The following CST8 variants were observed in gnomAD, a reference collection of about 807,000 sequenced individuals.
CST8 encodes cystatin-8.
In CST8, 20 loss-of-function variants were observed where a neutral mutation model predicts 11.8. That is an observed-to-expected ratio of 1.70 (90% confidence interval 1.20 to 2.47). CST8 has a LOEUF of 2.47. Ranked by LOEUF, CST8 falls within the 30% of genes most tolerant of loss-of-function variation. The pLI is 0.00. For synonymous variants in CST8, 77 were observed against 63.1 expected (o/e 1.22, Z -1.05); for missense variants, 196 against 167.2 (o/e 1.17, Z -0.95).
At chr20:23,505,648 C>T in the CST8 span, among the ~76,000 whole-genome samples, 1 of 152,184 alleles carries the variant, frequency 6.6e-6, no homozygotes, top group Non-Finnish European at 1.5e-5. Context: ...CCGATTCTGG[C>T]TCATTCCCTG....
chr20:23,496,060 G>C, downstream of CST8: 2 of 635,394 alleles, frequency 3.1e-6, no homozygotes, highest in Non-Finnish European at 5.4e-6. Context: ...TATATGTGGG[G>C]ACAGAAGATG....
downstream of CST8, among the ~76,000 whole-genome samples, chr20:23,497,614 T>G (rs371776361): frequency 6.6e-6 from 1 of 152,216 alleles, no homozygotes; most frequent in Non-Finnish European, 1.5e-5. Flanking sequence ...GAGGTTTAAT[T>G]GACTCACAGT....
downstream of CST8, among the ~76,000 whole-genome samples, chr20:23,498,173 G>A (rs556812680): frequency 6.6e-6 from 1 of 152,260 alleles, no homozygotes; most frequent in Admixed American, 6.5e-5. Context: ...TATTTAATGG[G>A]TGGAGTTTCT....
At position 23,493,001 on chromosome 20, in the gene CST8, G is replaced by A. The variant is rs149763863; in HGVS notation, c.275G>A (p.Arg92His). Residue 92 changes from arginine to histidine, a missense_variant, in exon 3 of 4, where the codon CGC (arginine) becomes CAC (histidine). Coordinates refer to ENST00000246012, the MANE Select transcript of CST8 (RefSeq NM_005492.4). ...LEYLIDVEIA[R>H]SDCRKPLSTN... ...TACCTTATTGATGTAGAAATTGCCC[G>A]CAGCGATTGCAGAAAGCCTTTAAGC... The A allele has an allele frequency of 5.0e-6, 8 of 1,612,858 alleles. No individual in the cohort carries two copies. Among genetic ancestry groups the A allele is most frequent in the Middle Eastern group, 1.7e-4 (1 of 6,058 alleles).
downstream of CST8, among the ~76,000 whole-genome samples, chr20:23,498,970 G>A (rs59710211): frequency 0.025 from 3,850 of 152,242 alleles, 164 homozygotes; most frequent in African/African-American, 0.087. Context: ...ATAGCTCTAT[G>A]TGTCTTTTCT....
rs200024521 is a variant in CST8 at position 23,492,939 on chromosome 20, C to T, written c.232-19C>T. The T allele has an allele frequency of 5.2e-6, 7 of 1,344,744 alleles. No homozygotes were observed. The African/African-American group carries it at 5.8e-5, about 11-fold the overall frequency. 83.3% of individuals were successfully genotyped at this position (1,344,744 alleles called of 1,614,324 possible). On this transcript the variant is annotated intron_variant, in intron 2 of 3. Coordinates refer to ENST00000246012, the MANE Select transcript of CST8 (RefSeq NM_005492.4). ...AGTACAACTCTTTTGAATAAAATTG[C>T]ATAATTGCTAACCAACAGGTCACAA... is the stretch of plus-strand genomic sequence containing the variant.
At chr20:23,503,690 G>A in the CST8 span, among the ~76,000 whole-genome samples, 1 of 152,218 alleles carries the variant, frequency 6.6e-6, no homozygotes, top group African/African-American at 2.4e-5. Flanking sequence ...CTAGGTACGT[G>A]CAAATGAAGA....
chr20:23,492,684 A>G (rs1028045552), intron 2 of CST8, among the ~76,000 whole-genome samples: 2 of 152,120 alleles, frequency 1.3e-5, no homozygotes, highest in Non-Finnish European at 2.9e-5. Context: ...GGGACAGGAA[A>G]TGGAATGAGA....
downstream of CST8, among the ~76,000 whole-genome samples, chr20:23,496,571 C>T (rs201876932): frequency 3.2e-4 from 48 of 152,260 alleles, no homozygotes; most frequent in Middle Eastern, 0.01. Flanking sequence ...GTTTCAGGCA[C>T]GCATTGTCAT....
chr20:23,500,575 C>T (rs1432660044), downstream of CST8, among the ~76,000 whole-genome samples: 1 of 152,132 alleles, frequency 6.6e-6, no homozygotes, highest in Admixed American at 6.5e-5. Flanking sequence ...AGGGGCCCTC[C>T]TTCTCCTACG....
At chr20:23,497,781 T>G (rs143976430), downstream of CST8, among the ~76,000 whole-genome samples, 1 of 152,282 alleles carries the variant, frequency 6.6e-6, no homozygotes, top group Middle Eastern at 3.4e-3. Context: ...AGAAACAGTA[T>G]GGGGGAAACC....
chr20:23,491,801 T>A lies in CST8; in HGVS notation c.134T>A (p.Val45Glu). The A allele has an allele frequency of 6.2e-7, 1 of 1,614,096 alleles. No individual in the cohort carries two copies. Among genetic ancestry groups the A allele is most frequent in the Non-Finnish European group, 8.5e-7 (1 of 1,180,008 alleles). Residue 45 changes from valine to glutamate, a missense_variant, in exon 2 of 4, where the codon GTG becomes GAG. Val to Glu is a moderately radical substitution (Grantham distance 121, BLOSUM62 -2). Coordinates refer to ENST00000246012, the MANE Select transcript of CST8 (RefSeq NM_005492.4). ...LKPVNASNAN[V>E]KQCLWFAMQE... is the part of the protein sequence containing the mutation. ...CCCGTCAATGCCTCAAATGCCAACG[T>A]GAAGCAGTGTCTGTGGTTTGCCATG...
chr20:23,502,714 T>A, the CST8 span, among the ~76,000 whole-genome samples: 1 of 152,210 alleles, frequency 6.6e-6, no homozygotes, highest in Non-Finnish European at 1.5e-5. Flanking sequence ...ACTTCATATA[T>A]AAACTGTTGG....
downstream of CST8, among the ~76,000 whole-genome samples, chr20:23,497,274 C>G (rs150877170): frequency 6.6e-6 from 1 of 152,230 alleles, no homozygotes; most frequent in Non-Finnish European, 1.5e-5. Context: ...TGGCTTCAGC[C>G]GGTCCCTCTG....
chr20:23,493,492 G>A (rs1411906908), intron 3 of CST8, among the ~76,000 whole-genome samples: 1 of 152,192 alleles, frequency 6.6e-6, no homozygotes, highest in Non-Finnish European at 1.5e-5. Context: ...AAATTACTGA[G>A]CACCAGGTGC....
chr20:23,493,868 C>T (rs1674723221), intron 3 of CST8, among the ~76,000 whole-genome samples: 1 of 152,164 alleles, frequency 6.6e-6, no homozygotes, highest in African/African-American at 2.4e-5. Context: ...ACCCTGATGA[C>T]CGGGTTCCAC....
At chr20:23,500,503 G>A (rs141259198), downstream of CST8, among the ~76,000 whole-genome samples, 2 of 152,268 alleles carry the variant, frequency 1.3e-5, no homozygotes, top group African/African-American at 2.4e-5. Context: ...CCCCCCAGGG[G>A]CCTGGTGGAA....
chr20:23,501,832 G>T, the CST8 span, among the ~76,000 whole-genome samples: 142 of 152,266 alleles, frequency 9.3e-4, 1 homozygote, highest in African/African-American at 3.2e-3. Flanking sequence ...CTTTTTTCTG[G>T]TTCCAAACTC....
chr20:23,493,669 C>T (rs1219272596), intron 3 of CST8, among the ~76,000 whole-genome samples: 3 of 152,180 alleles, frequency 2.0e-5, no homozygotes, highest in Non-Finnish European at 4.4e-5. Context: ...GAGGACTTGG[C>T]CCAGGGGCTT....
Sources: gnomAD v4.1 joint callset for allele counts (sites outside exome capture counted in the v4.1 genomes callset) on GRCh38, gnomAD v4.1.1 for gene constraint, MANE v1.5 for transcripts, NCBI Gene and HGNC (gene_info 2026-07-23, HGNC 2026-07-21) for gene names.